Variants in ZNF704 observed in about 807,000 individuals in gnomAD.
The protein encoded by ZNF704 is glucocorticoid induced gene 1.
Under a neutral mutation model 44.7 loss-of-function variants are expected in ZNF704, and 10 were observed. That is an observed-to-expected ratio of 0.22 (90% CI 0.14 to 0.38). The LOEUF is 0.38. Among genes scored for constraint, ZNF704 ranks in the 10% least tolerant of loss-of-function variants. ZNF704 has a pLI of 1.00. For missense variants in ZNF704, 390 were observed against 545.5 expected (o/e 0.71, Z 2.84); for synonymous variants, 211 against 207.6 (o/e 1.02, Z -0.14).
rs2131586831 is a variant in ZNF704 at position 80,640,522 on chromosome 8, T to A, written c.*844A>T. 1 of 152,318 alleles carries A rather than the reference T, an allele frequency of 6.6e-6. No homozygotes were observed. Among genetic ancestry groups the A allele is most frequent in the East Asian group, 1.9e-4 (1 of 5,174 alleles). The allele number at this position is 152,318 out of a possible 1,614,324, so 9.4% of individuals were successfully genotyped here. A position where few individuals can be genotyped will look rare whatever the true frequency, so the allele number is the denominator to read the frequency against. Reference sequence around the variant, plus strand: ...ACATCCCTGAAAGAAGCATCGAGGCTTACCCAGATGGCTACAGGTGCCAAT... The same window carrying A: ...ACATCCCTGAAAGAAGCATCGAGGCATACCCAGATGGCTACAGGTGCCAAT... On this transcript the variant is annotated 3_prime_UTR_variant, in exon 9 of 9. Coordinates refer to ENST00000327835, the MANE Select transcript of ZNF704 (RefSeq NM_001033723.3).
the ZNF704 span, among the ~76,000 whole-genome samples, chr8:80,881,460 C>T: frequency 1.3e-5 from 2 of 152,018 alleles, no homozygotes; most frequent in Non-Finnish European, 2.9e-5. Flanking sequence ...TTAAAACACC[C>T]TACAAAATAT....
intron 2 of ZNF704, among the ~76,000 whole-genome samples, chr8:80,706,039 G>C (rs1212633473): frequency 6.6e-6 from 1 of 152,170 alleles, no homozygotes; most frequent in Non-Finnish European, 1.5e-5. Context: ...GAAGTACCCT[G>C]TGTCATTTGG....
intron 2 of ZNF704, among the ~76,000 whole-genome samples, chr8:80,720,915 G>A (rs1371711350): frequency 6.6e-6 from 1 of 152,260 alleles, no homozygotes; most frequent in Admixed American, 6.5e-5. Context: ...GCCTGGGCCA[G>A]GCAGGGGCCA....
At chr8:80,656,253 A>G (rs192439252) in intron 7 of ZNF704, among the ~76,000 whole-genome samples, 1 of 152,274 alleles carries the variant, frequency 6.6e-6, no homozygotes, top group East Asian at 1.9e-4. Flanking sequence ...ACAAGCAGGA[A>G]GGGGTCTTCA....
chr8:80,795,370 A>T (rs954353569), intron 2 of ZNF704, among the ~76,000 whole-genome samples: 2 of 152,222 alleles, frequency 1.3e-5, no homozygotes, highest in African/African-American at 4.8e-5. Flanking sequence ...GAGACTAATT[A>T]AGATACTTAG....
intron 2 of ZNF704, among the ~76,000 whole-genome samples, chr8:80,793,999 G>T (rs907854756): frequency 6.6e-6 from 1 of 152,096 alleles, no homozygotes; most frequent in African/African-American, 2.4e-5. Flanking sequence ...ACATGGCAAA[G>T]ACATCATAAG....
At chr8:80,758,735 T>C (rs761407504) in intron 2 of ZNF704, among the ~76,000 whole-genome samples, 1 of 152,206 alleles carries the variant, frequency 6.6e-6, no homozygotes. Context: ...GCATACACTT[T>C]TTTCATATTT....
At chr8:80,815,016 G>A (rs1425130097) in intron 2 of ZNF704, among the ~76,000 whole-genome samples, 3 of 152,144 alleles carry the variant, frequency 2.0e-5, no homozygotes, top group Non-Finnish European at 2.9e-5. Flanking sequence ...GTTTCCCATC[G>A]TATTTATAGG....
intron 6 of ZNF704, among the ~76,000 whole-genome samples, chr8:80,662,124 G>C (rs1279494630): frequency 6.6e-6 from 1 of 151,968 alleles, no homozygotes; most frequent in African/African-American, 2.4e-5. Flanking sequence ...CATTGGCATG[G>C]GAAAATGTTC....
chr8:80,839,366 T>G (rs1460556619), intron 1 of ZNF704, among the ~76,000 whole-genome samples: 1 of 152,240 alleles, frequency 6.6e-6, no homozygotes, highest in African/African-American at 2.4e-5. Context: ...TTATCATTCC[T>G]TTGGGCAGTA....
rs995590986 is a variant in ZNF704, at chr8:80,874,056, G to C, written c.-22+515C>G. Among the ~76,000 whole-genome samples, 3 of 146,978 alleles carry C rather than the reference G, an allele frequency of 2.0e-5. No individual in the cohort carries two copies. Among genetic ancestry groups the C allele is most frequent in the African/African-American group, 7.3e-5 (3 of 40,938 alleles). On this transcript the variant is annotated intron_variant, in intron 1 of 8. Coordinates refer to ENST00000327835, the MANE Select transcript of ZNF704 (RefSeq NM_001033723.3). This position sits in a 1 kb window ranked among gnomAD's most constrained non-coding sequence, Gnocchi z 4.4. The stretch of plus-strand genomic sequence containing the variant: ...CGCCGCGCCTGCATGCCTGAGCGCG[G>C]GGTTGCGGGCCGCGGCGCGGGGCCG...
intron 2 of ZNF704, among the ~76,000 whole-genome samples, chr8:80,734,030 A>G (rs1806625020): frequency 6.6e-6 from 1 of 152,254 alleles, no homozygotes; most frequent in South Asian, 2.1e-4. Flanking sequence ...CATATGATAC[A>G]AACCAGTATT....
At chr8:80,771,340 G>GT (rs1807316599) in intron 2 of ZNF704, among the ~76,000 whole-genome samples, 1 of 151,990 alleles carries the variant, frequency 6.6e-6, no homozygotes, top group Admixed American at 6.6e-5. Context: ...CATAAACATG[G>GT]TATGTCTCTC....
At chr8:80,733,517 G>A (rs1426517977) in intron 2 of ZNF704, among the ~76,000 whole-genome samples, 1 of 152,210 alleles carries the variant, frequency 6.6e-6, no homozygotes, top group African/African-American at 2.4e-5. Context: ...TTGAGCTTCA[G>A]ACTCTGAGTG....
intron 2 of ZNF704, among the ~76,000 whole-genome samples, chr8:80,714,255 A>C (rs1277441905): frequency 6.6e-6 from 1 of 152,188 alleles, no homozygotes; most frequent in Non-Finnish European, 1.5e-5. Context: ...ACTGATGAAA[A>C]GCAGCTGTAT....
intron 2 of ZNF704, among the ~76,000 whole-genome samples, chr8:80,742,561 T>C (rs762110857): frequency 2.0e-5 from 3 of 152,198 alleles, no homozygotes; most frequent in Admixed American, 6.5e-5. Context: ...AGGGTATTAT[T>C]TGAATACATT....
rs1817541407 is a variant in ZNF704, at chr8:80,628,770, T to A, written c.*12596A>T. ...TCTGACTATAAGCCTTTTCTTCTACTTAAATGCTTCCAGAGGACCAGTGTA... is the reference window on the plus strand; with the variant it reads ...TCTGACTATAAGCCTTTTCTTCTACATAAATGCTTCCAGAGGACCAGTGTA... On this transcript the variant is annotated 3_prime_UTR_variant, in exon 9 of 9. Transcript: ENST00000327835. The A allele has an allele frequency of 6.6e-6, 1 of 152,266 alleles. No individual in the cohort carries two copies. Among genetic ancestry groups the A allele is most frequent in the African/African-American group, 2.4e-5 (1 of 41,468 alleles). 9.4% of individuals were successfully genotyped at this position (152,266 alleles called of 1,614,324 possible).
At chr8:80,834,452 A>C (rs569622877) in intron 1 of ZNF704, among the ~76,000 whole-genome samples, 1 of 152,338 alleles carries the variant, frequency 6.6e-6, no homozygotes, top group East Asian at 1.9e-4. Context: ...TCCAAACCAC[A>C]CAACTACACT....
chr8:80,676,574 T>C (rs1392024295), intron 4 of ZNF704, among the ~76,000 whole-genome samples: 3 of 152,188 alleles, frequency 2.0e-5, no homozygotes, highest in Non-Finnish European at 4.4e-5. Flanking sequence ...AATTTTTCAA[T>C]GAGGCAGGAA....
Sources: gnomAD v4.1 joint callset for allele counts (sites outside exome capture counted in the v4.1 genomes callset) on GRCh38, gnomAD v4.1.1 for gene constraint, Gnocchi (gnomAD v3.1) non-coding constraint, MANE v1.5 for transcripts, NCBI Gene and HGNC (gene_info 2026-07-23, HGNC 2026-07-21) for gene names.